CARM1: variants seen among roughly 807,000 people sequenced by gnomAD.
The protein encoded by CARM1 is histone-arginine methyltransferase CARM1.
In CARM1, 14 loss-of-function variants were observed where a neutral mutation model predicts 72.7. That is an observed-to-expected ratio of 0.19 (90% CI 0.13 to 0.30). The LOEUF (loss-of-function observed/expected upper bound fraction) is 0.30, where lower values mean the gene tolerates loss of function less well. CARM1 is among the 10% of genes least tolerant of loss of function. CARM1 has a pLI of 1.00. For missense variants in CARM1, 432 were observed against 833.7 expected (o/e 0.52, Z 5.93); for synonymous variants, 333 against 345.5 (o/e 0.96, Z 0.40).
chr19:10,916,057 G>A lies in CARM1; in HGVS notation c.848-350G>A, dbSNP rs1321239885. On this transcript the variant is annotated intron_variant, in intron 6 of 15. Coordinates refer to ENST00000327064, the MANE Select transcript of CARM1 (RefSeq NM_199141.2). The surrounding 1 kb of genome is among the most constrained non-coding windows in gnomAD (Gnocchi z 4.4). ...TTCCCGGCTGCACACATGCACAGAC[G>A]GCAGGGCCTGAGAGGCAGCGCCTGG... 2.0e-5 allele frequency among the ~76,000 whole-genome samples: 3 copies of A among 152,214 alleles called. No individual in the cohort carries two copies. Among genetic ancestry groups the A allele is most frequent in the Non-Finnish European group, 1.5e-5 (1 of 68,022 alleles).
chr19:10,898,810 G>C (rs2074042690), intron 1 of CARM1, among the ~76,000 whole-genome samples: 1 of 152,198 alleles, frequency 6.6e-6, no homozygotes, highest in Non-Finnish European at 1.5e-5. Context: ...CCTGGGCCAG[G>C]TGTGCGATGG....
chr19:10,921,528 C>G (rs1483483654), intron 15 of CARM1, 85 bp downstream of exon 15: 1 of 1,567,240 alleles, frequency 6.4e-7, no homozygotes, highest in Admixed American at 1.9e-5. Flanking sequence ...CGCCTGCCCT[C>G]TTGCCTGCCC....
In CARM1 at chr19:10,921,467, G is replaced by A. The variant is rs765097200; in HGVS notation, c.1684+24G>A. On this transcript the variant is annotated intron_variant, in intron 15 of 15. Coordinates refer to ENST00000327064, the MANE Select transcript of CARM1 (RefSeq NM_199141.2). Reference sequence around the variant, plus strand: ...AGGTAACGAGGGTGGCGGGGGCAGGGCCCGTGGGGGCCGAGCTAGCGTGTG... The same window carrying A: ...AGGTAACGAGGGTGGCGGGGGCAGGACCCGTGGGGGCCGAGCTAGCGTGTG... 1.9e-6 allele frequency: 3 copies of A among 1,592,024 alleles called. No homozygotes were observed. The East Asian group carries it at 6.7e-5, about 36-fold the overall frequency.
intron 4 of CARM1, 44 bp downstream of exon 4, chr19:10,909,251 G>GT (rs543243578): frequency 0.059 from 64,388 of 1,098,668 alleles, 509 homozygotes; most frequent in Middle Eastern, 0.092. Flanking sequence ...TTCTGTCTCG[G>GT]TTTTTTTTTT....
intron 1 of CARM1, among the ~76,000 whole-genome samples, chr19:10,890,263 TTG>T (rs1491025372): frequency 2.1e-5 from 3 of 140,426 alleles, no homozygotes; most frequent in South Asian, 2.4e-4. Flanking sequence ...GTTTTTTGTT[TTG>T]TTTGTTTTTT....
At chr19:10,890,689 A>G (rs908807028) in intron 1 of CARM1, among the ~76,000 whole-genome samples, 1 of 148,294 alleles carries the variant, frequency 6.7e-6, no homozygotes, top group African/African-American at 2.5e-5. Flanking sequence ...ACATATATAC[A>G]CACATATATA....
chr19:10,875,157 A>G (rs975308870), intron 1 of CARM1, among the ~76,000 whole-genome samples: 2 of 152,166 alleles, frequency 1.3e-5, no homozygotes, highest in African/African-American at 2.4e-5. Context: ...CTCTCAGTTC[A>G]TGGTCAGAAG....
Position 10,912,020 on chromosome 19 carries a change from GGCTCATCTTGAGTTCTC to G in CARM1, c.559-160_559-144del, listed in dbSNP as rs1176285571. Reference sequence around the variant, plus strand: ...TTCTCCTCCCGGAGGACTGGCCCATGGCTCATCTTGAGTTCTCGCTTCATTTTGACCAAGAGCCCATA... The same window carrying G: ...TTCTCCTCCCGGAGGACTGGCCCATGGCTTCATTTTGACCAAGAGCCCATA... On this transcript the variant is annotated intron_variant, in intron 4 of 15. Coordinates refer to ENST00000327064, the MANE Select transcript of CARM1 (RefSeq NM_199141.2). This position sits in a 1 kb window ranked among gnomAD's most constrained non-coding sequence, Gnocchi z 4.5. Among the ~76,000 whole-genome samples, 2 of 152,192 alleles carry G rather than the reference GGCTCATCTTGAGTTCTC, an allele frequency of 1.3e-5. No individual in the cohort carries two copies. The highest frequency in any genetic ancestry group is 2.9e-5 in the Non-Finnish European group (2 of 68,034).
Position 10,919,926 on chromosome 19 carries a change from G to A in CARM1, c.1156G>A (p.Gly386Ser). 6.2e-7 allele frequency: 1 copy of A among 1,614,158 alleles called. No individual in the cohort carries two copies. Among genetic ancestry groups the A allele is most frequent in the East Asian group, 2.2e-5 (1 of 44,886 alleles). The change falls in exon 10 of 16, where the codon GGC becomes AGC. Residue 386 changes from glycine to serine, a missense_variant. Coordinates refer to ENST00000327064, the MANE Select transcript of CARM1 (RefSeq NM_199141.2). ...FHMLHSGLVH[G>S]LAFWFDVAFI... The stretch of plus-strand genomic sequence containing the variant: ...CATGCTGCATTCAGGGCTGGTCCAC[G>A]GCCTGGCTTTCTGGTTTGACGTTGC...
At chr19:10,907,097 G>C (rs2074111513) in intron 2 of CARM1, among the ~76,000 whole-genome samples, 1 of 151,582 alleles carries the variant, frequency 6.6e-6, no homozygotes, top group Non-Finnish European at 1.5e-5. Context: ...AATAGAGACA[G>C]GGTTTCACCA....
chr19:10,897,530 TTCA>T (rs1477524969), intron 1 of CARM1, among the ~76,000 whole-genome samples: 3 of 152,152 alleles, frequency 2.0e-5, no homozygotes, highest in Non-Finnish European at 4.4e-5. Context: ...GCCCCAGAGC[TTCA>T]TCAGGGCCGA....
intron 1 of CARM1, among the ~76,000 whole-genome samples, chr19:10,887,617 A>G (rs2073951268): frequency 6.6e-6 from 1 of 151,922 alleles, no homozygotes; most frequent in African/African-American, 2.4e-5. Flanking sequence ...TAAATGTTTT[A>G]CTTTTTGTAG....
chr19:10,882,531 T>C (rs1173941469), intron 1 of CARM1, among the ~76,000 whole-genome samples: 6 of 141,302 alleles, frequency 4.2e-5, no homozygotes, highest in African/African-American at 1.5e-4. Flanking sequence ...CAGTGCACTC[T>C]GTCTTTTTTT....
At chr19:10,889,442 G>T (rs776760810) in intron 1 of CARM1, among the ~76,000 whole-genome samples, 5 of 150,542 alleles carry the variant, frequency 3.3e-5, no homozygotes, top group Non-Finnish European at 7.4e-5. Flanking sequence ...AGCCTCCCAA[G>T]TAGCTGGGAT....
chr19:10,920,103 C>A lies in CARM1; in HGVS notation c.1196+137C>A. The A allele has an allele frequency of 1.4e-6, 1 of 713,946 alleles. No homozygotes were observed. Among genetic ancestry groups the A allele is most frequent in the Non-Finnish European group, 2.4e-6 (1 of 411,262 alleles). 44.2% of individuals were successfully genotyped at this position (713,946 alleles called of 1,614,324 possible). A position where few individuals can be genotyped will look rare whatever the true frequency, so the allele number is the denominator to read the frequency against. The stretch of plus-strand genomic sequence containing the variant: ...ATGGGAGTGAGAGCCTGTCTCGGAG[C>A]AAGAGACTGTTGTGGGTGGGGTGTG... On this transcript the variant is annotated intron_variant, in intron 10 of 15. Transcript: ENST00000327064. The surrounding 1 kb of genome is among the most constrained non-coding windows in gnomAD (Gnocchi z 5.3).
intron 5 of CARM1, among the ~76,000 whole-genome samples, chr19:10,913,538 T>C (rs1320791032): frequency 6.7e-6 from 1 of 149,934 alleles, no homozygotes; most frequent in African/African-American, 2.4e-5. Context: ...AGAATCTGTC[T>C]CAAAGAAAAA....
At position 10,898,105 on chromosome 19, in the gene CARM1, C is replaced by CA. The variant is rs1242572098; in HGVS notation, c.221-6838dup. ...CCTGGGAGACAGCGAGACTCCGTCT[C>CA]AAAAAAAAGAAAAAAAAAAAAAGAA... On this transcript the variant is annotated intron_variant, in intron 1 of 15. Transcript: ENST00000327064. Among the ~76,000 whole-genome samples, 26 of 125,562 alleles carry CA rather than the reference C, an allele frequency of 2.1e-4. 1 individual carries two copies. The East Asian group carries it at 4.2e-3, about 20-fold the overall frequency. 82.4% of individuals were successfully genotyped at this position (125,562 alleles called of 152,430 possible).
Position 10,912,112 on chromosome 19 carries a change from CT to C in CARM1, c.559-70del. On this transcript the variant is annotated intron_variant, in intron 4 of 15. Coordinates refer to ENST00000327064, the MANE Select transcript of CARM1 (RefSeq NM_199141.2). The surrounding 1 kb of genome is among the most constrained non-coding windows in gnomAD (Gnocchi z 4.5). ...CAGACGCCTCATGATGTGCACATCC[CT>C]TATGATCACTGTCACCTCCCCATCA... 1 of 1,072,142 alleles carries C rather than the reference CT, an allele frequency of 9.3e-7. No homozygotes were observed. Among genetic ancestry groups the C allele is most frequent in the Non-Finnish European group, 1.5e-6 (1 of 684,972 alleles). 66.4% of individuals were successfully genotyped at this position (1,072,142 alleles called of 1,614,324 possible).
chr19:10,875,159 G>A (rs542613661), intron 1 of CARM1, among the ~76,000 whole-genome samples: 1 of 152,220 alleles, frequency 6.6e-6, no homozygotes, highest in East Asian at 1.9e-4. Flanking sequence ...CTCAGTTCAT[G>A]GTCAGAAGTC....
Sources: allele counts gnomAD v4.1 joint callset (sites outside exome capture counted in the v4.1 genomes callset), GRCh38; gene constraint gnomAD v4.1.1; non-coding constraint Gnocchi (gnomAD v3.1); transcripts MANE v1.5; gene names NCBI Gene and HGNC (gene_info 2026-07-23, HGNC 2026-07-21).